The following BORCS5 variants were observed in gnomAD, a reference collection of about 807,000 sequenced individuals.
BORCS5 encodes BLOC-1 related complex subunit 5, also known as BLOC-1-related complex subunit 5.
BORCS5 carries 17 observed loss-of-function variants against 22.1 expected under a neutral mutation model. The ratio of observed to expected loss-of-function variants is 0.77; its 90% CI spans 0.53 to 1.15. BORCS5 has a LOEUF of 1.15. BORCS5 is among the 50% of genes most tolerant of loss of function. The pLI is 0.00. For synonymous variants in BORCS5, 117 were observed against 99.8 expected (o/e 1.17, Z -1.03); for missense variants, 247 against 253.2 (o/e 0.98, Z 0.17).
Position 12,390,787 on chromosome 12 carries a change from T to TAAA in BORCS5, c.202+29449_202+29451dup, listed in dbSNP as rs57681818. Reference sequence around the variant, plus strand: ...GGTGACAGAGCAAGACCCTGTCTCTTAAAAAAAAAAAAATTATGGTCAAAG... The same window carrying TAAA: ...GGTGACAGAGCAAGACCCTGTCTCTTAAAAAAAAAAAAAAAATTATGGTCAAAG... On this transcript the variant is annotated intron_variant, in intron 2 of 3. Coordinates refer to ENST00000314565, the MANE Select transcript of BORCS5 (RefSeq NM_058169.6). Among the ~76,000 whole-genome samples, 8 of 146,270 alleles carry TAAA rather than the reference T, an allele frequency of 5.5e-5. No homozygotes were observed. The East Asian group carries it at 1.4e-3, about 25-fold the overall frequency.
chr12:12,405,324 C>G (rs1264825975), intron 2 of BORCS5, among the ~76,000 whole-genome samples: 1 of 152,136 alleles, frequency 6.6e-6, no homozygotes, highest in East Asian at 1.9e-4. Flanking sequence ...AGTAAGTTGC[C>G]AAATCATTGA....
chr12:12,367,361 AG>A, intron 2 of BORCS5, among the ~76,000 whole-genome samples: 1 of 152,224 alleles, frequency 6.6e-6, no homozygotes, highest in Non-Finnish European at 1.5e-5. Flanking sequence ...GGAGGGGACA[AG>A]AGAATGGATC....
At position 12,447,147 on chromosome 12, in the gene BORCS5, T is replaced by G. The variant is rs749008427; in HGVS notation, c.360+11362T>G. Among the ~76,000 whole-genome samples, 11 of 152,298 alleles carry G rather than the reference T, an allele frequency of 7.2e-5. No individual in the cohort carries two copies. The South Asian group carries it at 1.2e-3, about 17-fold the overall frequency. Reference sequence around the variant, plus strand: ...AGTCTGTCACTCACCTGCCTCTCCATCAGATATTGTAATAGTCATAGTTGT... The same window carrying G: ...AGTCTGTCACTCACCTGCCTCTCCAGCAGATATTGTAATAGTCATAGTTGT... On this transcript the variant is annotated intron_variant, in intron 3 of 3. Coordinates refer to ENST00000314565, the MANE Select transcript of BORCS5 (RefSeq NM_058169.6).
intron 3 of BORCS5, among the ~76,000 whole-genome samples, chr12:12,451,904 G>C (rs192840072): frequency 0.028 from 4,031 of 141,548 alleles, 187 homozygotes; most frequent in African/African-American, 0.1. Flanking sequence ...GCGACAGAGC[G>C]AGACTCTTTC....
chr12:12,413,980 G>A (rs1243265949), intron 2 of BORCS5, among the ~76,000 whole-genome samples: 1 of 64,836 alleles, frequency 1.5e-5, no homozygotes, highest in Non-Finnish European at 3.1e-5. Flanking sequence ...GCCGGGCAGA[G>A]GGGTCCTCAC....
rs1166564297 is a variant in BORCS5 at position 12,442,999 on chromosome 12, G to A, written c.360+7214G>A. Among the ~76,000 whole-genome samples the A allele has an allele frequency of 4.6e-5, 7 of 152,188 alleles. No homozygotes were observed. The East Asian group carries it at 1.2e-3, about 25-fold the overall frequency. ...AGAGAGACTGATCCAGATTAAATGA[G>A]TAGTTCCGAGTGTTGCACAGAGCAT... On this transcript the variant is annotated intron_variant, in intron 3 of 3. Transcript: ENST00000314565.
chr12:12,455,866 A>T (rs1436917582), intron 3 of BORCS5, among the ~76,000 whole-genome samples: 3 of 151,550 alleles, frequency 2.0e-5, no homozygotes, highest in African/African-American at 7.3e-5. Context: ...TATTTTGGGG[A>T]TAGAAAAATA....
At chr12:12,369,770 G>A (rs935502899) in intron 2 of BORCS5, among the ~76,000 whole-genome samples, 3 of 132,360 alleles carry the variant, frequency 2.3e-5, no homozygotes, top group Non-Finnish European at 4.6e-5. Flanking sequence ...TGTGGCCCAG[G>A]AGGGAGTGCA....
intron 2 of BORCS5, among the ~76,000 whole-genome samples, chr12:12,411,528 T>G (rs1414129326): frequency 6.6e-6 from 1 of 152,162 alleles, no homozygotes; most frequent in Non-Finnish European, 1.5e-5. Flanking sequence ...AAAATATACA[T>G]GATTTGAAAG....
At chr12:12,455,457 A>C (rs1409363921) in intron 3 of BORCS5, among the ~76,000 whole-genome samples, 1 of 152,234 alleles carries the variant, frequency 6.6e-6, no homozygotes, top group Non-Finnish European at 1.5e-5. Context: ...CATTACCTTT[A>C]AAGGGTGGGA....
intron 2 of BORCS5, among the ~76,000 whole-genome samples, chr12:12,413,813 G>A (rs111655138): frequency 5.4e-5 from 4 of 73,486 alleles, no homozygotes; most frequent in African/African-American, 1.6e-4. Context: ...CCTCCCGGAC[G>A]GGGCGGCTGG....
chr12:12,385,290 A>G (rs1863856480), intron 2 of BORCS5, among the ~76,000 whole-genome samples: 1 of 151,288 alleles, frequency 6.6e-6, no homozygotes, highest in South Asian at 2.1e-4. Flanking sequence ...GGCACTTTCC[A>G]CTTGCCCATC....
intron 3 of BORCS5, among the ~76,000 whole-genome samples, chr12:12,448,142 C>T (rs1201657626): frequency 6.6e-6 from 1 of 152,192 alleles, no homozygotes; most frequent in African/African-American, 2.4e-5. Context: ...GAGCTAACGT[C>T]CACCTTCGAA....
intron 3 of BORCS5, among the ~76,000 whole-genome samples, chr12:12,461,328 C>G (rs1943100646): frequency 6.6e-6 from 1 of 151,276 alleles, no homozygotes; most frequent in Admixed American, 6.6e-5. Flanking sequence ...TCCATCACAC[C>G]TGGCTAATTT....
chr12:12,376,454 C>T (rs955678008), intron 2 of BORCS5, among the ~76,000 whole-genome samples: 1 of 152,020 alleles, frequency 6.6e-6, no homozygotes, highest in African/African-American at 2.4e-5. Context: ...AGGATAGTCT[C>T]TATCTCCTGA....
chr12:12,360,395 TTTG>T (rs886306301), intron 1 of BORCS5, among the ~76,000 whole-genome samples: 16 of 151,832 alleles, frequency 1.1e-4, no homozygotes, highest in East Asian at 1.9e-4. Context: ...TCTGAGGGTT[TTTG>T]TTGTTGTTGT....
chr12:12,410,520 A>G (rs1025511260), intron 2 of BORCS5, among the ~76,000 whole-genome samples: 3 of 151,998 alleles, frequency 2.0e-5, no homozygotes, highest in African/African-American at 7.2e-5. Flanking sequence ...CAGGTTTGTC[A>G]AAGATCAGAT....
chr12:12,434,281 CAAAAAAAAAA>C (rs139357200), intron 2 of BORCS5, among the ~76,000 whole-genome samples: 1 of 76,588 alleles, frequency 1.3e-5, no homozygotes, highest in Admixed American at 1.6e-4. Context: ...GACTCTGTCT[CAAAAAAAAAA>C]AAAAAAAAAA....
Position 12,470,465 on chromosome 12 carries a change from C to T in BORCS5, c.*4689C>T, listed in dbSNP as rs150375458. ...ACCCAGCATTAGACTCCCCTAAGAGCGTGAACCCTATTGTGAACTGCGCAC... is the reference window on the plus strand; with the variant it reads ...ACCCAGCATTAGACTCCCCTAAGAGTGTGAACCCTATTGTGAACTGCGCAC... On this transcript the variant is annotated 3_prime_UTR_variant, in exon 4 of 4. Transcript: ENST00000314565. Among the ~76,000 whole-genome samples the T allele has an allele frequency of 2.0e-5, 3 of 152,092 alleles. No homozygotes were observed. The highest frequency in any genetic ancestry group is 4.8e-5 in the African/African-American group (2 of 41,422).
Sources: allele counts gnomAD v4.1 joint callset (sites outside exome capture counted in the v4.1 genomes callset), GRCh38; gene constraint gnomAD v4.1.1; transcripts MANE v1.5; gene names NCBI Gene and HGNC (gene_info 2026-07-23, HGNC 2026-07-21).